The following ITPR1 variants were observed in gnomAD, a reference collection of about 807,000 sequenced individuals.
ITPR1 encodes inositol 1,4,5-trisphosphate-gated calcium channel ITPR1.
Under a neutral mutation model 318.4 loss-of-function variants are expected in ITPR1, and 96 were observed. That is an observed-to-expected ratio of 0.30 (90% CI 0.26 to 0.36). The LOEUF (loss-of-function observed/expected upper bound fraction) is 0.36. Ranked by LOEUF, ITPR1 falls within the 10% of genes least tolerant of loss-of-function variation. The probability of loss-of-function intolerance (pLI) is 1.00; values close to 1 mark genes in which losing one functional copy is unlikely to be tolerated. For missense variants in ITPR1, 2,440 were observed against 3,460.2 expected (o/e 0.71, Z 7.40); for synonymous variants, 1,312 against 1,289.9 (o/e 1.02, Z -0.37).
chr3:4,711,768 A>G lies in ITPR1; in HGVS notation c.5003A>G (p.His1668Arg). The change falls in exon 39 of 62, where the codon CAT (histidine) becomes CGT (arginine). Residue 1668 changes from histidine (H) to arginine (R), a missense_variant. Coordinates refer to ENST00000649015, the MANE Select transcript of ITPR1 (RefSeq NM_001378452.1). ...SGGFICKLIK[H>R]TKQLLEENEE... Reference sequence around the variant, plus strand: ...TTCCCCCCATTCAGGTTAATAAAGCATACAAAACAGCTGCTAGAAGAAAAT... The same window carrying G: ...TTCCCCCCATTCAGGTTAATAAAGCGTACAAAACAGCTGCTAGAAGAAAAT... 1 of 1,544,328 alleles carries G rather than the reference A, an allele frequency of 6.5e-7. No individual in the cohort carries two copies. Among genetic ancestry groups the G allele is most frequent in the Non-Finnish European group, 8.8e-7 (1 of 1,139,530 alleles).
At chr3:4,642,444 C>T (rs1440849426) in intron 7 of ITPR1, among the ~76,000 whole-genome samples, 193 bp downstream of exon 7, 1 of 152,180 alleles carries the variant, frequency 6.6e-6, no homozygotes, top group African/African-American at 2.4e-5. Flanking sequence ...AATACTGTCA[C>T]TGTGTTTTTC....
intron 61 of ITPR1, among the ~76,000 whole-genome samples, chr3:4,838,696 A>G (rs1009261229): frequency 6.6e-6 from 1 of 152,256 alleles, no homozygotes; most frequent in African/African-American, 2.4e-5. Flanking sequence ...TAGCTCTCAC[A>G]TGCCAATGCG....
Position 4,669,787 on chromosome 3 carries a change from C to T in ITPR1, c.2006+14C>T. 2 of 1,601,996 alleles carry T rather than the reference C, an allele frequency of 1.2e-6. No homozygotes were observed. The highest frequency in any genetic ancestry group is 1.7e-4 in the Middle Eastern group (1 of 6,022). On this transcript the variant is annotated intron_variant, in intron 19 of 61. Transcript: ENST00000649015. ...GATTGAGACCAAGTGAGTGGGGAGCCAGGGTTTAGATGGAAAACATGGGGT... is the reference window on the plus strand; with the variant it reads ...GATTGAGACCAAGTGAGTGGGGAGCTAGGGTTTAGATGGAAAACATGGGGT...
Position 4,658,146 on chromosome 3 carries a change from C to G in ITPR1, c.1019C>G (p.Ser340Cys). 1 of 1,613,028 alleles carries G rather than the reference C, an allele frequency of 6.2e-7. No homozygotes were observed. The highest frequency in any genetic ancestry group is 8.5e-7 in the Non-Finnish European group (1 of 1,179,242). Residue 340 changes from serine to cysteine, a missense_variant, in exon 13 of 62, where the codon TCT becomes TGT. Physicochemically the swap from Ser to Cys is moderately radical, Grantham distance 112 (BLOSUM62 -1). Coordinates refer to ENST00000649015, the MANE Select transcript of ITPR1 (RefSeq NM_001378452.1). ...CAGGTGGACCCTGATCAGGACGCCT[C>G]TCGAAGTAGGTTGCGGAATGCCCAA... is the stretch of plus-strand genomic sequence containing the variant. The part of the protein sequence containing the change: ...QPSVDPDQDA[S>C]RSRLRNAQEK...
chr3:4,661,957 C>A (rs1432056660), intron 14 of ITPR1, 125 bp from the exon 15 acceptor site: 5 of 750,132 alleles, frequency 6.7e-6, no homozygotes, highest in Non-Finnish European at 1.0e-5. Flanking sequence ...TTTCCTATAT[C>A]ATTTTAACTG....
intron 5 of ITPR1, among the ~76,000 whole-genome samples, chr3:4,631,526 A>AT (rs1239516620): frequency 2.0e-5 from 3 of 151,832 alleles, no homozygotes; most frequent in East Asian, 3.9e-4. Flanking sequence ...TTTTAAAATT[A>AT]TTTTTTCCGG....
At chr3:4,572,322 C>G (rs746049911) in intron 4 of ITPR1, among the ~76,000 whole-genome samples, 3 of 152,208 alleles carry the variant, frequency 2.0e-5, no homozygotes, top group Non-Finnish European at 2.9e-5. Flanking sequence ...CCAGTCTTTT[C>G]TCAGTAAATG....
chr3:4,643,409 G>T (rs1043436142), intron 7 of ITPR1, among the ~76,000 whole-genome samples: 3 of 152,124 alleles, frequency 2.0e-5, no homozygotes, highest in African/African-American at 7.2e-5. Flanking sequence ...ACGAATCTGT[G>T]TGTGGCCATG....
chr3:4,513,992 C>T (rs996531305), intron 2 of ITPR1, among the ~76,000 whole-genome samples: 29 of 151,830 alleles, frequency 1.9e-4, no homozygotes, highest in African/African-American at 4.6e-4. Context: ...GAGGCTGAGG[C>T]GGGAGAATCG....
At chr3:4,546,509 C>T (rs1304390797) in intron 4 of ITPR1, among the ~76,000 whole-genome samples, 1 of 152,160 alleles carries the variant, frequency 6.6e-6, no homozygotes, top group Admixed American at 6.5e-5. Context: ...GGAGTTCTTG[C>T]CTCAGACAGA....
Position 4,709,965 on chromosome 3 carries a change from G to A in ITPR1, c.4843-360G>A, listed in dbSNP as rs560143845. On this transcript the variant is annotated intron_variant, in intron 37 of 61. Transcript: ENST00000649015. ...GATATTGATGATGTTTATAAAAATA[G>A]GATTATTATTGTTTGACCTTTGTTA... Among the ~76,000 whole-genome samples the A allele has an allele frequency of 2.0e-4, 30 of 152,256 alleles. No homozygotes were observed. In the South Asian group the frequency reaches 5.4e-3, roughly 27 times the overall value.
intron 44 of ITPR1, among the ~76,000 whole-genome samples, chr3:4,763,913 T>C (rs1287382565): frequency 6.6e-6 from 1 of 152,266 alleles, no homozygotes; most frequent in Non-Finnish European, 1.5e-5. Context: ...TTTATTCATT[T>C]ACTTACTTAC....
chr3:4,665,876 A>G (rs574695793), intron 17 of ITPR1, among the ~76,000 whole-genome samples: 6 of 152,332 alleles, frequency 3.9e-5, no homozygotes, highest in Admixed American at 3.9e-4. Context: ...CCTGAGAACT[A>G]TATTGCTACA....
intron 44 of ITPR1, 57 bp from the exon 45 acceptor site, chr3:4,766,473 T>C: frequency 6.9e-7 from 1 of 1,456,114 alleles, no homozygotes; most frequent in Non-Finnish European, 9.5e-7. Context: ...GTGTCATGAG[T>C]GGGGTGCAGT....
intron 42 of ITPR1, among the ~76,000 whole-genome samples, chr3:4,728,808 G>A (rs2042706471): frequency 6.6e-6 from 1 of 152,078 alleles, no homozygotes; most frequent in Non-Finnish European, 1.5e-5. Flanking sequence ...CACACACCCA[G>A]GCCCCTGCCC....
At chr3:4,686,467 G>A (rs990776530) in intron 30 of ITPR1, among the ~76,000 whole-genome samples, 4 of 152,220 alleles carry the variant, frequency 2.6e-5, no homozygotes, top group Non-Finnish European at 5.9e-5. Flanking sequence ...TTCCTTGTGT[G>A]TAAGGAACGC....
intron 13 of ITPR1, among the ~76,000 whole-genome samples, chr3:4,659,573 G>C (rs1209506064): frequency 6.6e-6 from 1 of 152,020 alleles, no homozygotes; most frequent in East Asian, 1.9e-4. Context: ...TGTAGTCCCA[G>C]CTACTTTGAA....
At chr3:4,809,728 A>G (rs924616052) in intron 55 of ITPR1, among the ~76,000 whole-genome samples, 12 of 152,204 alleles carry the variant, frequency 7.9e-5, no homozygotes, top group Admixed American at 6.5e-4. Context: ...AGTGAAAAGG[A>G]AAAAATCGCT....
chr3:4,644,379 G>A, intron 8 of ITPR1, 145 bp downstream of exon 8: 1 of 612,156 alleles, frequency 1.6e-6, no homozygotes. Context: ...CAGGCCCAGG[G>A]TCAAGGCTGC....
Sources: allele counts gnomAD v4.1 joint callset (sites outside exome capture counted in the v4.1 genomes callset), GRCh38; gene constraint gnomAD v4.1.1; transcripts MANE v1.5; gene names NCBI Gene and HGNC (gene_info 2026-07-23, HGNC 2026-07-21).